Variants in XKR4 observed in about 807,000 individuals in gnomAD.
The protein encoded by XKR4 is XK related 4, also known as XK-related protein 4.
Under a neutral mutation model 53.9 loss-of-function variants are expected in XKR4, and 12 were observed. That is an observed-to-expected ratio of 0.22 (90% CI 0.14 to 0.36). XKR4 has a LOEUF of 0.36. Among genes scored for constraint, XKR4 ranks in the 10% least tolerant of loss-of-function variants. XKR4 has a pLI of 1.00. For synonymous variants in XKR4, 354 were observed against 362.4 expected (o/e 0.98, Z 0.26); for missense variants, 799 against 859.5 (o/e 0.93, Z 0.88).
intron 1 of XKR4, among the ~76,000 whole-genome samples, chr8:55,154,462 C>T (rs1816879878): frequency 6.6e-6 from 1 of 152,142 alleles, no homozygotes; most frequent in Admixed American, 6.5e-5. Context: ...TAATTTTCTA[C>T]TTTTACTTAG....
At chr8:55,501,977 G>T (rs1806445632) in intron 2 of XKR4, among the ~76,000 whole-genome samples, 1 of 152,052 alleles carries the variant, frequency 6.6e-6, no homozygotes, top group African/African-American at 2.4e-5. Context: ...TATACTCTAA[G>T]TCATCTTTAA....
intron 1 of XKR4, among the ~76,000 whole-genome samples, chr8:55,133,160 G>A (rs763722575): frequency 6.6e-6 from 1 of 152,114 alleles, no homozygotes; most frequent in Non-Finnish European, 1.5e-5. Context: ...AGAAAAATAC[G>A]AACAATTAAT....
At chr8:55,289,372 G>C (rs1818949764) in intron 1 of XKR4, among the ~76,000 whole-genome samples, 1 of 151,544 alleles carries the variant, frequency 6.6e-6, no homozygotes, top group Non-Finnish European at 1.5e-5. Flanking sequence ...AAAATTAGCT[G>C]GTCGTGGTGG....
Position 55,182,258 on chromosome 8 carries a change from A to G in XKR4, c.806+78964A>G, listed in dbSNP as rs142673070. Among the ~76,000 whole-genome samples the G allele has an allele frequency of 2.3e-3, 347 of 152,164 alleles. 2 individuals are homozygous for G. Among genetic ancestry groups the G allele is most frequent in the African/African-American group, 7.3e-3 (302 of 41,526 alleles). On this transcript the variant is annotated intron_variant, in intron 1 of 2. Coordinates refer to ENST00000327381, the MANE Select transcript of XKR4 (RefSeq NM_052898.2). ...TCTCTTTCACAGAGGAAAAGTTTTA[A>G]ATTTTGGTAAAGTCCAGTTTATCAA...
intron 1 of XKR4, among the ~76,000 whole-genome samples, chr8:55,302,230 C>A (rs1332068803): frequency 2.6e-5 from 4 of 152,296 alleles, no homozygotes; most frequent in South Asian, 2.1e-4. Flanking sequence ...CCAGTTTTCC[C>A]AGCACCATTT....
intron 1 of XKR4, among the ~76,000 whole-genome samples, chr8:55,143,947 T>C (rs914704940): frequency 6.6e-6 from 1 of 152,218 alleles, no homozygotes; most frequent in Non-Finnish European, 1.5e-5. Context: ...GACTTCTATC[T>C]CTAACAGGTA....
rs1818876640 is a variant in XKR4 at position 55,284,209 on chromosome 8, T to A, written c.807-73469T>A. ...TTCTTATGTGAGAAAATACAGAAAT[T>A]ATATCAATAAATTTACTAGGTTATA... On this transcript the variant is annotated intron_variant, in intron 1 of 2. Coordinates refer to ENST00000327381, the MANE Select transcript of XKR4 (RefSeq NM_052898.2). 2.0e-5 allele frequency among the ~76,000 whole-genome samples: 3 copies of A among 152,222 alleles called. No homozygotes were observed. In the South Asian group the frequency reaches 6.2e-4, roughly 31 times the overall value.
chr8:55,246,458 T>G (rs1042038880), intron 1 of XKR4, among the ~76,000 whole-genome samples: 1 of 152,210 alleles, frequency 6.6e-6, no homozygotes, highest in Non-Finnish European at 1.5e-5. Flanking sequence ...CATCTATTTG[T>G]GATCACTTGT....
chr8:55,240,404 G>A (rs1043721212), intron 1 of XKR4, among the ~76,000 whole-genome samples: 10 of 152,246 alleles, frequency 6.6e-5, no homozygotes, highest in Admixed American at 3.3e-4. Flanking sequence ...CAGACATAAT[G>A]CTGAAGGACT....
At chr8:55,171,558 A>G (rs1817158328) in intron 1 of XKR4, among the ~76,000 whole-genome samples, 1 of 152,106 alleles carries the variant, frequency 6.6e-6, no homozygotes, top group Non-Finnish European at 1.5e-5. Context: ...AGAGTTGCCT[A>G]ATGGGACTTG....
intron 1 of XKR4, among the ~76,000 whole-genome samples, chr8:55,287,332 C>A (rs1186675315): frequency 6.6e-6 from 1 of 152,140 alleles, no homozygotes; most frequent in Non-Finnish European, 1.5e-5. Flanking sequence ...GGAGCTATTA[C>A]ACTCAAGATC....
In XKR4 at chr8:55,479,976, G is replaced by A. The variant is rs533655751; in HGVS notation, c.1007-43305G>A. Among the ~76,000 whole-genome samples the A allele has an allele frequency of 4.6e-5, 7 of 152,246 alleles. No individual in the cohort carries two copies. In the South Asian group the frequency reaches 1.5e-3, roughly 32 times the overall value. ...CTGCCGAATTTTACCAGAGGTACAA[G>A]GAGGAGCTGTTACCAGTCCTTCTGA... On this transcript the variant is annotated intron_variant, in intron 2 of 2. Transcript: ENST00000327381.
At chr8:55,174,442 A>T (rs946265224) in intron 1 of XKR4, among the ~76,000 whole-genome samples, 42 of 152,178 alleles carry the variant, frequency 2.8e-4, no homozygotes, top group African/African-American at 9.9e-4. Context: ...GAGGAAAAGG[A>T]TGGGGACTAC....
chr8:55,171,167 T>C (rs562224388), intron 1 of XKR4, among the ~76,000 whole-genome samples: 5 of 152,342 alleles, frequency 3.3e-5, no homozygotes, highest in South Asian at 4.1e-4. Flanking sequence ...ATAGTGAAGA[T>C]GATTTTCAGT....
At chr8:55,132,246 A>T (rs2129353175) in intron 1 of XKR4, among the ~76,000 whole-genome samples, 1 of 152,344 alleles carries the variant, frequency 6.6e-6, no homozygotes, top group South Asian at 2.1e-4. Flanking sequence ...AGAGGTTGAA[A>T]GAGAAGTTAA....
In XKR4 at chr8:55,321,719, G is replaced by A. The variant is rs150788713; in HGVS notation, c.807-35959G>A. ...TAAAAACATATCTTGGGCCGGGCATGGTGGCTCATGCCTGTAATCCCAGCA... is the reference window on the plus strand; with the variant it reads ...TAAAAACATATCTTGGGCCGGGCATAGTGGCTCATGCCTGTAATCCCAGCA... On this transcript the variant is annotated intron_variant, in intron 1 of 2. Coordinates refer to ENST00000327381, the MANE Select transcript of XKR4 (RefSeq NM_052898.2). Among the ~76,000 whole-genome samples the A allele has an allele frequency of 4.8e-3, 728 of 152,300 alleles. 7 individuals are homozygous for A. Among genetic ancestry groups the A allele is most frequent in the African/African-American group, 0.017 (707 of 41,566 alleles).
chr8:55,258,838 C>G (rs1818475009), intron 1 of XKR4, among the ~76,000 whole-genome samples: 1 of 152,186 alleles, frequency 6.6e-6, no homozygotes. Flanking sequence ...AGTTCAGGAC[C>G]TGTGGCCCCA....
intron 1 of XKR4, among the ~76,000 whole-genome samples, chr8:55,196,771 G>T (rs1201393802): frequency 6.6e-6 from 1 of 152,126 alleles, no homozygotes; most frequent in Non-Finnish European, 1.5e-5. Context: ...ATTAGAAAGA[G>T]GGAGAGTGAA....
At chr8:55,164,526 G>A (rs929647928) in intron 1 of XKR4, 9 of 439,260 alleles carry the variant, frequency 2.0e-5, no homozygotes, top group Non-Finnish European at 2.3e-5. Context: ...CTCAGAAAAT[G>A]TTTAGGAACT....
Sources: gnomAD v4.1 joint callset for allele counts (sites outside exome capture counted in the v4.1 genomes callset) on GRCh38, gnomAD v4.1.1 for gene constraint, MANE v1.5 for transcripts, NCBI Gene and HGNC (gene_info 2026-07-23, HGNC 2026-07-21) for gene names.